Variants in ARID4B observed in about 807,000 individuals in gnomAD.
ARID4B encodes the protein AT-rich interactive domain-containing protein 4B.
In ARID4B, 26 loss-of-function variants were observed where a neutral mutation model predicts 147.5. That is an observed-to-expected ratio of 0.18 (90% confidence interval 0.13 to 0.24). ARID4B has a LOEUF of 0.24. ARID4B is among the 10% of genes least tolerant of loss of function. The pLI is 1.00. For missense variants in ARID4B, 1,179 were observed against 1,511.5 expected (o/e 0.78, Z 3.65); for synonymous variants, 512 against 507.9 (o/e 1.01, Z -0.11).
At chr1:235,293,909 C>G (rs1391764489) in intron 2 of ARID4B, among the ~76,000 whole-genome samples, 3 of 152,176 alleles carry the variant, frequency 2.0e-5, no homozygotes, top group Non-Finnish European at 2.9e-5. Flanking sequence ...ATCTGGAAGT[C>G]TGACTTTATG....
At chr1:235,280,780 G>A (rs1292039769) in intron 2 of ARID4B, among the ~76,000 whole-genome samples, 1 of 152,238 alleles carries the variant, frequency 6.6e-6, no homozygotes, top group Non-Finnish European at 1.5e-5. Flanking sequence ...TCCTGCTGGC[G>A]GGAAGGACTG....
At chr1:235,268,780 G>A (rs1670779895) in intron 2 of ARID4B, among the ~76,000 whole-genome samples, 1 of 152,068 alleles carries the variant, frequency 6.6e-6, no homozygotes, top group South Asian at 2.1e-4. Context: ...CCCACGTCTT[G>A]ATTTCTAAAT....
chr1:235,241,284 T>C (rs541454058), intron 7 of ARID4B, among the ~76,000 whole-genome samples: 112 of 152,322 alleles, frequency 7.4e-4, no homozygotes, highest in African/African-American at 2.4e-3. Context: ...ATGGCTATTA[T>C]TGAATACCTA....
At chr1:235,274,358 G>T (rs1216577789) in intron 2 of ARID4B, among the ~76,000 whole-genome samples, 2 of 152,072 alleles carry the variant, frequency 1.3e-5, no homozygotes. Context: ...CTGGGTGACA[G>T]TGAGACTCCG....
intron 2 of ARID4B, among the ~76,000 whole-genome samples, chr1:235,309,047 C>T (rs1421787307): frequency 5.3e-5 from 8 of 149,582 alleles, no homozygotes; most frequent in South Asian, 2.1e-4. Context: ...TCTTCCCGGC[C>T]GCCATCCCAT....
At position 235,321,925 on chromosome 1, in the gene ARID4B, C is replaced by G. The variant is rs561603465; in HGVS notation, c.6+4989G>C. ...AATTTCCATCCTTACATTCAGCTCTCCCCTTGTTTTTGCAGTGGCCTGATC... is the reference window on the plus strand; with the variant it reads ...AATTTCCATCCTTACATTCAGCTCTGCCCTTGTTTTTGCAGTGGCCTGATC... On this transcript the variant is annotated intron_variant, in intron 2 of 23. Transcript: ENST00000264183. 1.0e-3 allele frequency among the ~76,000 whole-genome samples: 158 copies of G among 152,276 alleles called. 1 individual carries two copies. Among genetic ancestry groups the G allele is most frequent in the African/African-American group, 3.7e-3 (155 of 41,554 alleles).
At chr1:235,300,549 A>T (rs1161785247) in intron 2 of ARID4B, among the ~76,000 whole-genome samples, 1 of 152,184 alleles carries the variant, frequency 6.6e-6, no homozygotes, top group Non-Finnish European at 1.5e-5. Flanking sequence ...TAGTGCTATC[A>T]TGAAGATTAA....
At position 235,182,467 on chromosome 1, in the gene ARID4B, G is replaced by A. The variant is rs774857983; in HGVS notation, c.2452C>T (p.Pro818Ser). Residue 818 changes from proline to serine, a missense_variant, in exon 20 of 24, where the codon CCA becomes TCA. Pro to Ser is a moderately conservative substitution (Grantham distance 74). Transcript: ENST00000264183. ...CTTCTTTTACCACGTTTTATTTGTGGTTTTGAAGATTTATCTGTTGTGTCC... is the reference window on the plus strand; with the variant it reads ...CTTCTTTTACCACGTTTTATTTGTGATTTTGAAGATTTATCTGTTGTGTCC... ...KKDTTDKSSK[P>S]QIKRGKRRYC... 14 of 1,612,754 alleles carry A rather than the reference G, an allele frequency of 8.7e-6. No homozygotes were observed. The Admixed American group carries it at 1.5e-4, about 17-fold the overall frequency.
At chr1:235,192,042 G>C (rs899720470) in intron 19 of ARID4B, among the ~76,000 whole-genome samples, 1 of 152,108 alleles carries the variant, frequency 6.6e-6, no homozygotes, top group African/African-American at 2.4e-5. Context: ...CTGCACTCCA[G>C]CCTGGGTGAC....
At chr1:235,253,417 T>C (rs996919049) in intron 5 of ARID4B, among the ~76,000 whole-genome samples, 2 of 152,110 alleles carry the variant, frequency 1.3e-5, no homozygotes, top group Non-Finnish European at 2.9e-5. Context: ...TGTCTCCAGC[T>C]CCAGGCATTG....
intron 5 of ARID4B, among the ~76,000 whole-genome samples, chr1:235,253,331 G>A (rs1168573473): frequency 6.6e-6 from 1 of 152,152 alleles, no homozygotes; most frequent in Non-Finnish European, 1.5e-5. Context: ...GTGCACTGCA[G>A]GATATTTAGC....
intron 9 of ARID4B, among the ~76,000 whole-genome samples, chr1:235,232,186 G>C (rs544162771): frequency 2.6e-5 from 4 of 152,258 alleles, no homozygotes; most frequent in African/African-American, 9.6e-5. Flanking sequence ...TTGGGAAGCT[G>C]AGGCGAGTGG....
intron 11 of ARID4B, among the ~76,000 whole-genome samples, chr1:235,227,890 T>C (rs1418343994): frequency 6.7e-6 from 1 of 148,718 alleles, no homozygotes; most frequent in Non-Finnish European, 1.5e-5. Context: ...TGGAGAACAA[T>C]GGCGCAATCT....
At chr1:235,220,586 C>G in intron 14 of ARID4B, 41 bp from the exon 15 acceptor site, 1 of 1,440,630 alleles carries the variant, frequency 6.9e-7, no homozygotes, top group Non-Finnish European at 9.3e-7. Flanking sequence ...GAAAACATTT[C>G]AAAATATAAC....
intron 2 of ARID4B, among the ~76,000 whole-genome samples, chr1:235,262,447 T>G (rs1670352281): frequency 6.6e-6 from 1 of 152,228 alleles, no homozygotes; most frequent in Non-Finnish European, 1.5e-5. Flanking sequence ...TACAGAAAGA[T>G]AATCATTTCT....
intron 2 of ARID4B, among the ~76,000 whole-genome samples, chr1:235,277,674 T>C (rs1344490546): frequency 1.3e-5 from 2 of 149,836 alleles, no homozygotes; most frequent in Non-Finnish European, 1.5e-5. Context: ...TTTCTCCTGA[T>C]GACCTTGCCC....
At chr1:235,264,933 G>A (rs912158388) in intron 2 of ARID4B, among the ~76,000 whole-genome samples, 8 of 151,688 alleles carry the variant, frequency 5.3e-5, no homozygotes, top group Non-Finnish European at 8.8e-5. Context: ...GGTGGCGGGC[G>A]CCTGTAATCC....
intron 8 of ARID4B, 111 bp downstream of exon 8, chr1:235,240,202 G>T: frequency 1.0e-6 from 1 of 1,004,846 alleles, no homozygotes; most frequent in Non-Finnish European, 1.4e-6. Context: ...ACTAAATAAT[G>T]CTAAAAACAT....
At chr1:235,184,889 T>C (rs917381205) in intron 19 of ARID4B, among the ~76,000 whole-genome samples, 2 of 152,210 alleles carry the variant, frequency 1.3e-5, no homozygotes, top group African/African-American at 4.8e-5. Flanking sequence ...TGATCTCAGT[T>C]CACTGCAACC....
Sources: gnomAD v4.1 joint callset for allele counts (sites outside exome capture counted in the v4.1 genomes callset) on GRCh38, gnomAD v4.1.1 for gene constraint, MANE v1.5 for transcripts, NCBI Gene and HGNC (gene_info 2026-07-23, HGNC 2026-07-21) for gene names.